Variants in ATP9A observed in about 807,000 individuals in gnomAD.
ATP9A encodes ATPase phospholipid transporting 9A, also known as probable phospholipid-transporting ATPase IIA.
In ATP9A, 52 loss-of-function variants were observed where a neutral mutation model predicts 144.1. The observed-to-expected ratio is 0.36, with a 90% CI of 0.29 to 0.45. The LOEUF (loss-of-function observed/expected upper bound fraction) is 0.45. Among genes scored for constraint, ATP9A ranks in the 20% least tolerant of loss-of-function variants. ATP9A has a pLI of 1.00. For missense variants in ATP9A, 947 were observed against 1,392.7 expected (o/e 0.68, Z 5.09); for synonymous variants, 582 against 557.4 (o/e 1.04, Z -0.62).
At chr20:51,684,839 T>A (rs1426934774) in intron 9 of ATP9A, among the ~76,000 whole-genome samples, 5 of 149,108 alleles carry the variant, frequency 3.4e-5, no homozygotes, top group Middle Eastern at 7.1e-3. Flanking sequence ...TGAAACCCCG[T>A]CTCTACTAAA....
intron 1 of ATP9A, among the ~76,000 whole-genome samples, chr20:51,766,519 G>A (rs982087318): frequency 6.6e-6 from 1 of 152,124 alleles, no homozygotes. Flanking sequence ...CACTGTTCCA[G>A]GCATAGTGTT....
intron 9 of ATP9A, among the ~76,000 whole-genome samples, chr20:51,678,752 C>T (rs763380184): frequency 5.9e-5 from 9 of 152,324 alleles, no homozygotes; most frequent in Non-Finnish European, 1.2e-4. Context: ...GAGAGGGCCC[C>T]AGTAACAAGG....
At chr20:51,745,815 C>T (rs984592794) in intron 1 of ATP9A, among the ~76,000 whole-genome samples, 6 of 152,078 alleles carry the variant, frequency 3.9e-5, no homozygotes, top group African/African-American at 1.4e-4. Flanking sequence ...CAAAATGTGA[C>T]ATTTAAAGTT....
At chr20:51,653,186 T>C (rs1205723894) in intron 14 of ATP9A, among the ~76,000 whole-genome samples, 1 of 151,250 alleles carries the variant, frequency 6.6e-6, no homozygotes, top group African/African-American at 2.4e-5. Flanking sequence ...GTAGTTCTTT[T>C]TTTTTTTCTC....
chr20:51,750,109 C>T (rs1195558883), intron 1 of ATP9A, among the ~76,000 whole-genome samples: 7 of 152,192 alleles, frequency 4.6e-5, no homozygotes, highest in African/African-American at 1.7e-4. Flanking sequence ...GAGCCGAGAT[C>T]GCACCACTTG....
At chr20:51,672,602 T>C (rs1030538800) in intron 11 of ATP9A, among the ~76,000 whole-genome samples, 1 of 152,142 alleles carries the variant, frequency 6.6e-6, no homozygotes, top group African/African-American at 2.4e-5. Context: ...CGACAATCTC[T>C]GTCCCCAGAA....
chr20:51,715,853 T>C (rs2077659682), intron 3 of ATP9A, among the ~76,000 whole-genome samples: 1 of 152,178 alleles, frequency 6.6e-6, no homozygotes, highest in Non-Finnish European at 1.5e-5. Context: ...AGGGGGGCTG[T>C]TGAAGGAGGC....
chr20:51,735,523 C>A (rs541090366), intron 1 of ATP9A, among the ~76,000 whole-genome samples: 2 of 152,206 alleles, frequency 1.3e-5, no homozygotes, highest in African/African-American at 4.8e-5. Flanking sequence ...TTATTAAGCG[C>A]TTACCCGGTA....
At chr20:51,631,232 T>C (rs1192658689) in intron 15 of ATP9A, among the ~76,000 whole-genome samples, 2 of 152,136 alleles carry the variant, frequency 1.3e-5, no homozygotes, top group African/African-American at 2.4e-5. Flanking sequence ...CAACAATCTT[T>C]TAGAACAACA....
chr20:51,704,175 G>C (rs2077605487), intron 4 of ATP9A, among the ~76,000 whole-genome samples: 1 of 128,596 alleles, frequency 7.8e-6, no homozygotes, highest in African/African-American at 3.4e-5. Context: ...TTTAAATAGT[G>C]GGAACTTAAA....
intron 15 of ATP9A, among the ~76,000 whole-genome samples, chr20:51,636,984 G>C (rs533521914): frequency 6.6e-6 from 1 of 152,176 alleles, no homozygotes; most frequent in Non-Finnish European, 1.5e-5. Context: ...CCAGCTACTC[G>C]GGAGGCCGAG....
At position 51,768,267 on chromosome 20, in the gene ATP9A, C is replaced by A. The variant is rs1309942190; in HGVS notation, c.68+35G>T. The A allele has an allele frequency of 8.1e-6, 10 of 1,229,688 alleles. No individual in the cohort carries two copies. The Admixed American group carries it at 1.3e-4, about 16-fold the overall frequency. 76.2% of individuals were successfully genotyped at this position (1,229,688 alleles called of 1,614,324 possible). Reference sequence around the variant, plus strand: ...CCCGAGCGCCGGGCTCCGGGAGGCGCGGACAAAGGAAAACACGGGCCCAGG... The same window carrying A: ...CCCGAGCGCCGGGCTCCGGGAGGCGAGGACAAAGGAAAACACGGGCCCAGG... On this transcript the variant is annotated intron_variant, in intron 1 of 27. Transcript: ENST00000338821.
chr20:51,733,376 T>C (rs2077750147), intron 1 of ATP9A, among the ~76,000 whole-genome samples: 2 of 151,478 alleles, frequency 1.3e-5, no homozygotes, highest in East Asian at 1.9e-4. Context: ...CCATTCCTCA[T>C]GCCTTTTTTT....
intron 9 of ATP9A, among the ~76,000 whole-genome samples, chr20:51,680,006 G>A (rs2077493281): frequency 6.6e-6 from 1 of 152,088 alleles, no homozygotes; most frequent in Non-Finnish European, 1.5e-5. Flanking sequence ...GAGGCGGGTG[G>A]ATCACTTGAG....
At chr20:51,631,261 C>T (rs2077268664) in intron 15 of ATP9A, among the ~76,000 whole-genome samples, 2 of 152,286 alleles carry the variant, frequency 1.3e-5, no homozygotes, top group Admixed American at 6.5e-5. Flanking sequence ...CATAAGAGCA[C>T]CCCCAGGCCA....
At chr20:51,690,593 C>T (rs6126303) in intron 8 of ATP9A, 146 bp downstream of exon 8, 261,569 of 692,192 alleles carry the variant, frequency 0.38, 51,804 homozygotes, top group East Asian at 0.61. Context: ...AGAAACAATA[C>T]GCTGGCTTTC....
intron 26 of ATP9A, among the ~76,000 whole-genome samples, chr20:51,606,303 G>T (rs1268038954): frequency 6.6e-6 from 1 of 152,154 alleles, no homozygotes; most frequent in Non-Finnish European, 1.5e-5. Context: ...TTATTTGTAA[G>T]TTATATATGT....
intron 15 of ATP9A, among the ~76,000 whole-genome samples, chr20:51,636,864 C>T (rs1461147992): frequency 2.0e-5 from 3 of 152,208 alleles, no homozygotes; most frequent in Non-Finnish European, 2.9e-5. Flanking sequence ...CCAAGGTGGG[C>T]GGATTGCTTG....
chr20:51,602,970 C>T (rs908158472), intron 27 of ATP9A, among the ~76,000 whole-genome samples: 8 of 152,126 alleles, frequency 5.3e-5, no homozygotes, highest in Non-Finnish European at 1.2e-4. Context: ...TCCACACCAC[C>T]CCCACTGAGA....
Sources: gnomAD v4.1 joint callset for allele counts (sites outside exome capture counted in the v4.1 genomes callset) on GRCh38, gnomAD v4.1.1 for gene constraint, MANE v1.5 for transcripts, NCBI Gene and HGNC (gene_info 2026-07-23, HGNC 2026-07-21) for gene names.